FRMPD4: variants seen among roughly 807,000 people sequenced by gnomAD.
FRMPD4 encodes the protein FERM and PDZ domain containing 4.
In FRMPD4, 22 loss-of-function variants were observed where a neutral mutation model predicts 94.1. The observed-to-expected ratio is 0.23, with a 90% CI of 0.17 to 0.33. FRMPD4 has a LOEUF of 0.33. FRMPD4 is among the 10% of genes least tolerant of loss of function. The probability of loss-of-function intolerance (pLI) is 1.00; values close to 1 mark genes in which losing one functional copy is unlikely to be tolerated. For missense variants in FRMPD4, 1,111 were observed against 1,339.9 expected (o/e 0.83, Z 2.67); for synonymous variants, 631 against 548.6 (o/e 1.15, Z -2.10).
At chrX:12,387,490 T>C (rs2056412957) in intron 1 of FRMPD4, among the ~76,000 whole-genome samples, 1 of 112,047 alleles carries the variant, frequency 8.9e-6, no homozygotes, top group African/African-American at 3.2e-5. Context: ...AGAAAAGTTA[T>C]GTCGATGAAC....
At chrX:11,947,142 G>A (rs1289199453) in intron 3 of FRMPD4, among the ~76,000 whole-genome samples, 2 of 111,833 alleles carry the variant, frequency 1.8e-5, no homozygotes, top group Non-Finnish European at 3.8e-5. Flanking sequence ...GGATTTGGGG[G>A]ATTTTTGTTA....
intron 1 of FRMPD4, among the ~76,000 whole-genome samples, chrX:12,337,930 T>C (rs1215689058): frequency 8.9e-6 from 1 of 112,252 alleles, no homozygotes; most frequent in East Asian, 2.8e-4. Context: ...ATGTATTGCT[T>C]ACAGTTCTGA....
chrX:12,184,947 A>G (rs767288465), intron 1 of FRMPD4, among the ~76,000 whole-genome samples: 1 of 111,419 alleles, frequency 9.0e-6, no homozygotes, highest in East Asian at 2.8e-4. Flanking sequence ...CAGGATGGCT[A>G]TAGTCAATAA....
intron 1 of FRMPD4, among the ~76,000 whole-genome samples, chrX:12,259,850 T>C (rs2054166836): frequency 9.0e-6 from 1 of 111,542 alleles, no homozygotes; most frequent in African/African-American, 3.3e-5. Flanking sequence ...CTGCTGAATT[T>C]GACCCTGTGG....
At chrX:12,417,111 G>A (rs1315010327) in intron 1 of FRMPD4, among the ~76,000 whole-genome samples, 1 of 111,193 alleles carries the variant, frequency 9.0e-6, no homozygotes, top group African/African-American at 3.3e-5. Context: ...TATTTCTTCA[G>A]TCGATTCATT....
At position 12,521,574 on chromosome X, in the gene FRMPD4, A is replaced by G. The variant is rs1265028200; in HGVS notation, c.158+22778A>G. ...GTACGATTTATAGAGTTAGGTTTAA[A>G]CTCTGTCATGTGGCTAAGCAATTGT... On this transcript the variant is annotated intron_variant, in intron 2 of 16. Coordinates refer to ENST00000675598, the MANE Select transcript of FRMPD4 (RefSeq NM_001368397.1). 6.2e-5 allele frequency among the ~76,000 whole-genome samples: 7 copies of G among 112,243 alleles called. No homozygotes were observed. The East Asian group carries it at 2.0e-3, about 31-fold the overall frequency.
intron 1 of FRMPD4, among the ~76,000 whole-genome samples, chrX:12,139,448 ACCT>A (rs1263017023): frequency 9.4e-6 from 1 of 106,669 alleles, no homozygotes; most frequent in Non-Finnish European, 1.9e-5. Context: ...ACACCTCCAC[ACCT>A]CCACAAAGTC....
At chrX:12,448,403 A>T (rs754028535) in intron 1 of FRMPD4, among the ~76,000 whole-genome samples, 4 of 112,361 alleles carry the variant, frequency 3.6e-5, no homozygotes, top group Non-Finnish European at 7.5e-5. Context: ...CTTGGCCCCG[A>T]AACACTTTAA....
chrX:11,878,912 T>C (rs1414590345), intron 3 of FRMPD4, among the ~76,000 whole-genome samples: 1 of 112,156 alleles, frequency 8.9e-6, no homozygotes, highest in East Asian at 2.8e-4. Context: ...ATAGAGGAAC[T>C]GCCACAGGTT....
chrX:11,852,442 CAAAAA>C (rs374590200), intron 1 of FRMPD4, among the ~76,000 whole-genome samples: 243 of 52,629 alleles, frequency 4.6e-3, no homozygotes, highest in African/African-American at 0.016. Flanking sequence ...ACCCTGTCTC[CAAAAA>C]AAAAAAAAAA....
intron 1 of FRMPD4, among the ~76,000 whole-genome samples, chrX:12,444,790 A>G (rs997460891): frequency 1.8e-5 from 2 of 111,502 alleles, no homozygotes; most frequent in Non-Finnish European, 3.8e-5. Context: ...CTCTCAAGAT[A>G]ACTAACCCAC....
intron 3 of FRMPD4, among the ~76,000 whole-genome samples, chrX:12,008,823 T>C (rs373215854): frequency 8.9e-6 from 1 of 112,244 alleles, no homozygotes; most frequent in African/African-American, 3.2e-5. Context: ...CCCCTGTCAT[T>C]GTGGCTTGAG....
At chrX:12,266,979 G>A (rs7473658) in intron 1 of FRMPD4, among the ~76,000 whole-genome samples, 25,507 of 111,176 alleles carry the variant, frequency 0.23, 2,438 homozygotes, top group Admixed American at 0.43. Context: ...AGCTTACCTT[G>A]AATATGCTCA....
intron 3 of FRMPD4, among the ~76,000 whole-genome samples, chrX:11,982,000 C>T (rs1257144293): frequency 9.0e-6 from 1 of 111,647 alleles, no homozygotes; most frequent in African/African-American, 3.2e-5. Context: ...TTTTTATGTG[C>T]TCAATGGTCT....
intron 1 of FRMPD4, among the ~76,000 whole-genome samples, chrX:12,485,726 C>T (rs5979635): frequency 0.34 from 36,618 of 109,139 alleles, 5,761 homozygotes; most frequent in African/African-American, 0.61. Flanking sequence ...CTGGCCAACA[C>T]TGCAAAACCA....
intron 1 of FRMPD4, among the ~76,000 whole-genome samples, chrX:12,324,852 T>C (rs891627421): frequency 1.8e-5 from 2 of 112,352 alleles, no homozygotes; most frequent in Admixed American, 9.4e-5. Context: ...TATAATAGAC[T>C]TCTACTGAGC....
At chrX:12,336,841 A>G (rs5979597) in intron 1 of FRMPD4, among the ~76,000 whole-genome samples, 9,076 of 111,756 alleles carry the variant, frequency 0.081, 915 homozygotes, top group African/African-American at 0.28. Context: ...GGGGATTCGA[A>G]AAGACAAGCA....
intron 1 of FRMPD4, among the ~76,000 whole-genome samples, chrX:12,270,732 C>T (rs1005772747): frequency 9.0e-6 from 1 of 111,490 alleles, no homozygotes; most frequent in African/African-American, 3.3e-5. Flanking sequence ...ACTTACCCAT[C>T]GTTTCTTCCG....
chrX:12,287,853 T>C (rs1345095894), intron 1 of FRMPD4, among the ~76,000 whole-genome samples: 2 of 112,292 alleles, frequency 1.8e-5, no homozygotes, highest in Non-Finnish European at 3.8e-5. Context: ...AGTACCCAAT[T>C]AACAGTGGCT....
Sources: gnomAD v4.1 joint callset for allele counts (sites outside exome capture counted in the v4.1 genomes callset) on GRCh38, gnomAD v4.1.1 for gene constraint, MANE v1.5 for transcripts, NCBI Gene and HGNC (gene_info 2026-07-23, HGNC 2026-07-21) for gene names.